EMX1: variants seen among roughly 807,000 people sequenced by gnomAD.
EMX1 encodes the protein empty spiracles homeobox 1.
In EMX1, 10 loss-of-function variants were observed where a neutral mutation model predicts 20.1. The observed-to-expected ratio is 0.50, with a 90% CI of 0.31 to 0.84. The LOEUF is 0.84. EMX1 is among the 40% of genes least tolerant of loss of function. The probability of loss-of-function intolerance (pLI) is 0.05; values close to 1 mark genes in which losing one functional copy is unlikely to be tolerated. For missense variants in EMX1, 424 were observed against 431.9 expected (o/e 0.98, Z 0.16); for synonymous variants, 250 against 200.4 (o/e 1.25, Z -2.09).
At chr2:72,916,916 G>T (rs1304860301), upstream of EMX1, 2 of 717,430 alleles carry the variant, frequency 2.8e-6, no homozygotes, top group Non-Finnish European at 5.2e-6. Flanking sequence ...GACCGCTCCG[G>T]CGGCTTCTCC....
Position 72,934,122 on chromosome 2 carries a change from C to G in EMX1, c.*168C>G. ...GGGCCGCCATTGACAGAGGGACAAG[C>G]AATGGGCTGGCTGAGGCCTGGGACC... On this transcript the variant is annotated 3_prime_UTR_variant, in exon 3 of 3. Transcript: ENST00000258106. 1 of 1,007,232 alleles carries G rather than the reference C, an allele frequency of 9.9e-7. No individual in the cohort carries two copies. Among genetic ancestry groups the G allele is most frequent in the South Asian group, 1.7e-5 (1 of 57,436 alleles). 62.4% of individuals were successfully genotyped at this position (1,007,232 alleles called of 1,614,324 possible). A position where few individuals can be genotyped will look rare whatever the true frequency, so the allele number is the denominator to read the frequency against.
chr2:72,930,871 G>A lies in EMX1; in HGVS notation c.706-2916G>A, dbSNP rs1458416495. Among the ~76,000 whole-genome samples the A allele has an allele frequency of 9.2e-5, 14 of 152,170 alleles. No homozygotes were observed. Among genetic ancestry groups the A allele is most frequent in the Admixed American group, 9.2e-4 (14 of 15,282 alleles). Reference sequence around the variant, plus strand: ...AATTCAGAAAAGTAGAAAGAAGAAAGAAACATCACCCACACTTTAGGTATA... The same window carrying A: ...AATTCAGAAAAGTAGAAAGAAGAAAAAAACATCACCCACACTTTAGGTATA... On this transcript the variant is annotated intron_variant, in intron 2 of 2. Transcript: ENST00000258106. This position sits in a 1 kb window ranked among gnomAD's most constrained non-coding sequence, Gnocchi z 4.4.
upstream of EMX1, chr2:72,917,000 AG>A: frequency 1.4e-6 from 1 of 703,840 alleles, no homozygotes; most frequent in Non-Finnish European, 2.7e-6. Flanking sequence ...CGTGACATCC[AG>A]AAAACGCGAA....
chr2:72,923,238 C>T (rs1671132359), intron 1 of EMX1, among the ~76,000 whole-genome samples: 1 of 152,044 alleles, frequency 6.6e-6, no homozygotes, highest in South Asian at 2.1e-4. Context: ...CCAACATTTG[C>T]TAAGGGACAG....
intron 2 of EMX1, among the ~76,000 whole-genome samples, chr2:72,928,431 C>G (rs923535592): frequency 6.6e-6 from 1 of 152,188 alleles, no homozygotes. Context: ...AGCATAGGTA[C>G]ACATTAGATG....
chr2:72,925,397 AAT>A (rs1034275928), intron 2 of EMX1: 1 of 1,243,006 alleles, frequency 8.0e-7, no homozygotes, highest in Non-Finnish European at 1.0e-6. Context: ...GCCATAAATA[AAT>A]GCTGCCTGGG....
intron 1 of EMX1, among the ~76,000 whole-genome samples, chr2:72,920,681 G>T (rs1222594171): frequency 6.6e-6 from 1 of 152,382 alleles, no homozygotes; most frequent in East Asian, 1.9e-4. Context: ...CAGCGCTTGG[G>T]CGGCGCGGTC....
At position 72,918,187 on chromosome 2, in the gene EMX1, A is replaced by G; in HGVS notation, c.335A>G (p.Tyr112Cys). The G allele has an allele frequency of 6.5e-7, 1 of 1,548,622 alleles. No homozygotes were observed. Among genetic ancestry groups the G allele is most frequent in the South Asian group, 1.2e-5 (1 of 85,306 alleles). ...AAAAGAGRSL[Y>C]GGPELVFPEA... ...GCCGCGGGCGCGGGCCGCTCGCTCT[A>G]CGGTGGGCCCGAGCTCGTGTTCCCC... The change falls in exon 1 of 3, where the codon TAC (tyrosine) becomes TGC (cysteine). Residue 112 changes from tyrosine (Y) to cysteine (C), a missense_variant. Around this residue, in one of 2 missense-constraint regions of EMX1, gnomAD observed 333 missense variants for 296.6 expected, o/e 1.12. Transcript: ENST00000258106.
At position 72,918,082 on chromosome 2, in the gene EMX1, C is replaced by T. The variant is rs966701422; in HGVS notation, c.230C>T (p.Pro77Leu). ...CTGGCGGCGGCCGCCTCCGAGGAAC[C>T]GCTCCGGCCCACGGCGCTCAACTAC... The part of the protein sequence containing the change: ...HLLAAAASEE[P>L]LRPTALNYPH... The change falls in exon 1 of 3, where the codon CCG becomes CTG. Residue 77 changes from proline (P) to leucine (L), a missense_variant. Around this residue, in one of 2 missense-constraint regions of EMX1, gnomAD observed 333 missense variants for 296.6 expected, o/e 1.12. Transcript: ENST00000258106. 2 of 1,428,528 alleles carry T rather than the reference C, an allele frequency of 1.4e-6. No individual in the cohort carries two copies. Among genetic ancestry groups the T allele is most frequent in the Admixed American group, 3.0e-5 (1 of 33,060 alleles). The allele number at this position is 1,428,528 out of a possible 1,614,324, so 88.5% of individuals were successfully genotyped here. A position where few individuals can be genotyped will look rare whatever the true frequency, so the allele number is the denominator to read the frequency against.
upstream of EMX1, chr2:72,916,753 C>T: frequency 1.4e-6 from 1 of 717,396 alleles, no homozygotes; most frequent in Non-Finnish European, 2.6e-6. Context: ...CTGGTCCGGC[C>T]CGCCGACACT....
chr2:72,919,180 TACACACACACACACACAC>T (rs70963149), intron 1 of EMX1, among the ~76,000 whole-genome samples: 6 of 142,542 alleles, frequency 4.2e-5, no homozygotes, highest in Non-Finnish European at 6.2e-5. Context: ...CCACTGGCCC[TACACACACACACACACAC>T]ACACACACAC....
intron 1 of EMX1, 109 bp from the exon 2 acceptor site, chr2:72,924,200 A>G: frequency 7.3e-7 from 1 of 1,361,308 alleles, no homozygotes; most frequent in East Asian, 2.5e-5. Context: ...TGGAGAGGGC[A>G]GGGCGCTTGG....
At chr2:72,916,507 G>A (rs1573892467), upstream of EMX1, 3 of 598,268 alleles carry the variant, frequency 5.0e-6, no homozygotes, top group African/African-American at 3.7e-5. Context: ...GGGAAAGTTT[G>A]GGGAGTCCCG....
Position 72,918,060 on chromosome 2 carries a change from G to T in EMX1, c.208G>T (p.Ala70Ser). Residue 70 changes from alanine to serine, a missense_variant, in exon 1 of 3, where the codon GCG (alanine) becomes TCG (serine). Ala to Ser is a moderately conservative substitution (Grantham distance 99, BLOSUM62 1). This residue lies in a region of EMX1 where 333 missense variants were observed against 296.6 expected (regional missense o/e 1.12). Coordinates refer to ENST00000258106, the MANE Select transcript of EMX1 (RefSeq NM_004097.3). ...CGGGGGCGCGGGCTCCCATCTCCTG[G>T]CGGCGGCCGCCTCCGAGGAACCGCT... Reference protein sequence around the residue: ...GGGGAGSHLLAAAASEEPLRP... With the variant: ...GGGGAGSHLLSAAASEEPLRP... The T allele has an allele frequency of 7.1e-7, 1 of 1,417,408 alleles. No individual in the cohort carries two copies. The highest frequency in any genetic ancestry group is 9.1e-7 in the Non-Finnish European group (1 of 1,095,462). The allele number at this position is 1,417,408 out of a possible 1,614,324, so 87.8% of individuals were successfully genotyped here.
Position 72,930,155 on chromosome 2 carries a change from C to T in EMX1, c.706-3632C>T, listed in dbSNP as rs943130681. Among the ~76,000 whole-genome samples, 2 of 152,220 alleles carry T rather than the reference C, an allele frequency of 1.3e-5. No individual in the cohort carries two copies. The highest frequency in any genetic ancestry group is 4.8e-5 in the African/African-American group (2 of 41,454). ...TGGCCCAGGTACCTCTTGCCTAGAG[C>T]ATAGGCTTGTCCAGCCAGATGACTA... On this transcript the variant is annotated intron_variant, in intron 2 of 2. Coordinates refer to ENST00000258106, the MANE Select transcript of EMX1 (RefSeq NM_004097.3). This position sits in a 1 kb window ranked among gnomAD's most constrained non-coding sequence, Gnocchi z 4.4.
In EMX1 at chr2:72,925,022, C is replaced by G. The variant is rs1671170962; in HGVS notation, c.705+529C>G. Among the ~76,000 whole-genome samples, 3 of 152,244 alleles carry G rather than the reference C, an allele frequency of 2.0e-5. No homozygotes were observed. In the South Asian group the frequency reaches 6.2e-4, roughly 32 times the overall value. ...TCTGGGGAGAAAGCCCAGGTGTCCT[C>G]AGACTACCAACAGAGGGGCTTAACC... is the stretch of plus-strand genomic sequence containing the variant. On this transcript the variant is annotated intron_variant, in intron 2 of 2. Coordinates refer to ENST00000258106, the MANE Select transcript of EMX1 (RefSeq NM_004097.3).
intron 2 of EMX1, chr2:72,925,390 A>G: frequency 8.1e-7 from 1 of 1,240,830 alleles, no homozygotes; most frequent in African/African-American, 1.6e-5. Flanking sequence ...AGACTTTGCC[A>G]TAAATAAATG....
At chr2:72,924,917 C>T (rs547371739) in intron 2 of EMX1, among the ~76,000 whole-genome samples, 65 of 152,350 alleles carry the variant, frequency 4.3e-4, no homozygotes, top group Admixed American at 1.2e-3. Context: ...CATAGTCCTG[C>T]GGGGAGCCGG....
In EMX1 at chr2:72,924,279, CGT is replaced by C. The variant is rs773390933; in HGVS notation, c.521-25_521-24del. ...CGCCCCTTCTCTCTGTCTGTACCTG[CGT>C]GTGTTGCCGTCGGCGGCGGGGCCGC... On this transcript the variant is annotated intron_variant, in intron 1 of 2. Transcript: ENST00000258106. The C allele has an allele frequency of 1.2e-4, 186 of 1,552,926 alleles. No homozygotes were observed. The African/African-American group carries it at 2.2e-3, about 19-fold the overall frequency.
Sources: allele counts gnomAD v4.1 joint callset (sites outside exome capture counted in the v4.1 genomes callset), GRCh38; gene constraint gnomAD v4.1.1; regional missense constraint gnomAD v4.1.1; non-coding constraint Gnocchi (gnomAD v3.1); transcripts MANE v1.5; gene names NCBI Gene and HGNC (gene_info 2026-07-23, HGNC 2026-07-21).